Variants in ACVR1B observed in about 807,000 individuals in gnomAD.
ACVR1B encodes the protein activin receptor type-1B.
A neutral mutation model predicts 55.6 loss-of-function variants in ACVR1B; 15 were observed. The observed-to-expected ratio is 0.27, with a 90% CI of 0.18 to 0.42. ACVR1B has a LOEUF of 0.42. Ranked by LOEUF, ACVR1B falls within the 10% of genes least tolerant of loss-of-function variation. The pLI, the probability that ACVR1B is intolerant of heterozygous loss-of-function variation, is 1.00. For synonymous variants in ACVR1B, 247 were observed against 254.6 expected, an observed-to-expected ratio of 0.97 and a Z score of 0.28; for missense variants, 359 against 670.1, an observed-to-expected ratio of 0.54 and a Z score of 5.13.
At chr12:51,991,089 A>T (rs535087022) in intron 7 of ACVR1B, among the ~76,000 whole-genome samples, 114 of 152,336 alleles carry the variant, frequency 7.5e-4, no homozygotes, top group African/African-American at 2.7e-3. Context: ...TTTGGTTCCC[A>T]TGATATATAG....
chr12:51,985,363 G>A lies in ACVR1B; in HGVS notation c.1136+15G>A. On this transcript the variant is annotated intron_variant, in intron 6 of 8. Transcript: ENST00000257963. ...GGGACCAAACGGTAGGAGGGCCTGG[G>A]ACTCTGCCCTTGCTAAGCAGCTTCT... 6.2e-7 allele frequency: 1 copy of A among 1,600,608 alleles called. No homozygotes were observed. The highest frequency in any genetic ancestry group is 1.3e-5 in the African/African-American group (1 of 74,354).
intron 1 of ACVR1B, among the ~76,000 whole-genome samples, chr12:51,969,986 A>T (rs770088276): frequency 4.6e-5 from 7 of 152,204 alleles, no homozygotes; most frequent in Admixed American, 1.3e-4. Flanking sequence ...TGAAGTAAGG[A>T]ATTCATGGTG....
intron 1 of ACVR1B, among the ~76,000 whole-genome samples, chr12:51,960,407 G>A (rs1348496835): frequency 2.0e-5 from 3 of 152,102 alleles, no homozygotes; most frequent in African/African-American, 2.4e-5. Flanking sequence ...GGGTGACAGA[G>A]TGAGATCCTG....
intron 1 of ACVR1B, among the ~76,000 whole-genome samples, chr12:51,965,512 G>T (rs533607335): frequency 1.3e-4 from 20 of 152,332 alleles, no homozygotes; most frequent in African/African-American, 4.8e-4. Flanking sequence ...GTCAGCAGCT[G>T]GGTGGGAGGA....
intron 3 of ACVR1B, among the ~76,000 whole-genome samples, chr12:51,980,178 T>C (rs184476319): frequency 8.5e-5 from 13 of 152,204 alleles, no homozygotes; most frequent in Middle Eastern, 6.8e-3. Context: ...GGAAGTGAGA[T>C]AATTTATGTA....
Position 51,982,772 on chromosome 12 carries a change from G to A in ACVR1B, c.812-1227G>A, listed in dbSNP as rs772140419. On this transcript the variant is annotated intron_variant, in intron 4 of 8. Coordinates refer to ENST00000257963, the MANE Select transcript of ACVR1B (RefSeq NM_004302.5). ...GAGGAGCCTTAGACTCCAATACAAGGGAGGAAGGGGAAGAGCAAGATTTTT... is the reference window on the plus strand; with the variant it reads ...GAGGAGCCTTAGACTCCAATACAAGAGAGGAAGGGGAAGAGCAAGATTTTT... The A allele has an allele frequency of 1.2e-5, 18 of 1,531,422 alleles. No individual in the cohort carries two copies. In the South Asian group the frequency reaches 1.9e-4, roughly 16 times the overall value. 94.9% of individuals were successfully genotyped at this position (1,531,422 alleles called of 1,614,324 possible).
At chr12:51,993,532 A>G (rs1276461924) in intron 8 of ACVR1B, among the ~76,000 whole-genome samples, 2 of 152,034 alleles carry the variant, frequency 1.3e-5, no homozygotes, top group East Asian at 1.9e-4. Flanking sequence ...TGGGAGGCCG[A>G]GGTGGGCAGA....
chr12:51,979,660 G>A (rs1185266743), intron 3 of ACVR1B, among the ~76,000 whole-genome samples: 1 of 152,150 alleles, frequency 6.6e-6, no homozygotes, highest in African/African-American at 2.4e-5. Context: ...GCAGGGGGAC[G>A]TCAGGCTGCC....
rs573690698 is a variant in ACVR1B at position 51,976,662 on chromosome 12, C to T, written c.580+87C>T. ...GAGTGCTTGTAGAGAAGGCTGGAGG[C>T]CCTGCATTTGTTTCTACCAGCATTG... On this transcript the variant is annotated intron_variant, in intron 3 of 8. Coordinates refer to ENST00000257963, the MANE Select transcript of ACVR1B (RefSeq NM_004302.5). The T allele has an allele frequency of 1.2e-5, 19 of 1,526,262 alleles. No homozygotes were observed. In the East Asian group the frequency reaches 3.8e-4, roughly 31 times the overall value. The allele number at this position is 1,526,262 out of a possible 1,614,324, so 94.5% of individuals were successfully genotyped here.
chr12:51,987,465 C>A, intron 7 of ACVR1B: 2 of 309,210 alleles, frequency 6.5e-6, no homozygotes, highest in Non-Finnish European at 6.0e-6. Flanking sequence ...TGACAGAATC[C>A]AGTAAGAAAT....
Position 51,994,174 on chromosome 12 carries a change from G to GTAC in ACVR1B, c.*65_*67dup. 1 of 1,585,144 alleles carries GTAC rather than the reference G, an allele frequency of 6.3e-7. No homozygotes were observed. The highest frequency in any genetic ancestry group is 8.6e-7 in the Non-Finnish European group (1 of 1,169,168). On this transcript the variant is annotated 3_prime_UTR_variant, in exon 9 of 9. Transcript: ENST00000257963. The surrounding 1 kb of genome is among the most constrained non-coding windows in gnomAD (Gnocchi z 4.2). Reference sequence around the variant, plus strand: ...ACTACGCACAGCTGCCGCGTTGAGCGTACGATGGAGGCCTACCTCTCGTTT... The same window carrying GTAC: ...ACTACGCACAGCTGCCGCGTTGAGCGTACTACGATGGAGGCCTACCTCTCGTTT...
chr12:51,957,198 A>G (rs966085903), intron 1 of ACVR1B, among the ~76,000 whole-genome samples: 2 of 152,212 alleles, frequency 1.3e-5, no homozygotes, highest in East Asian at 3.9e-4. Flanking sequence ...CTGTAATGCC[A>G]GCACTTTGGG....
chr12:51,976,710 C>T (rs1402823340), intron 3 of ACVR1B, 135 bp downstream of exon 3: 18 of 1,150,882 alleles, frequency 1.6e-5, no homozygotes, highest in Non-Finnish European at 2.2e-5. Flanking sequence ...TCCTAGTTCC[C>T]CTTCTTTTGG....
intron 4 of ACVR1B, chr12:51,982,858 T>C: frequency 6.9e-7 from 1 of 1,443,624 alleles, no homozygotes; most frequent in South Asian, 1.4e-5. Flanking sequence ...ATTTAAATCT[T>C]ATATGTTTTA....
intron 1 of ACVR1B, among the ~76,000 whole-genome samples, chr12:51,957,638 C>G (rs1941440079): frequency 6.6e-6 from 1 of 152,074 alleles, no homozygotes; most frequent in Non-Finnish European, 1.5e-5. Flanking sequence ...TTCCTGGGCT[C>G]AAATTATCCT....
In ACVR1B at chr12:51,994,083, C is replaced by T; in HGVS notation, c.1491C>T (p.Leu497=). The T allele has an allele frequency of 6.2e-7, 1 of 1,614,024 alleles. No homozygotes were observed. The highest frequency in any genetic ancestry group is 8.5e-7 in the Non-Finnish European group (1 of 1,180,038). Residue 497 remains leucine, a synonymous_variant, in exon 9 of 9, where the codon CTC becomes CTT. Transcript: ENST00000257963. The surrounding 1 kb of genome is among the most constrained non-coding windows in gnomAD (Gnocchi z 4.2). ...GCATCAAGAAGACCCTCTCCCAGCT[C>T]AGCGTGCAGGAAGACGTGAAGATCT... The part of the protein sequence containing the change: ...ALRIKKTLSQ[L]SVQEDVKI
intron 1 of ACVR1B, among the ~76,000 whole-genome samples, chr12:51,953,202 C>T (rs985456296): frequency 6.6e-6 from 1 of 152,156 alleles, no homozygotes; most frequent in South Asian, 2.1e-4. Flanking sequence ...TTCTGTGGCT[C>T]TCTTCTCTTA....
Position 51,994,181 on chromosome 12 carries a change from G to T in ACVR1B, c.*71G>T. 6.3e-7 allele frequency: 1 copy of T among 1,578,282 alleles called. No homozygotes were observed. The highest frequency in any genetic ancestry group is 1.1e-5 in the South Asian group (1 of 87,558). On this transcript the variant is annotated 3_prime_UTR_variant, in exon 9 of 9. Coordinates refer to ENST00000257963, the MANE Select transcript of ACVR1B (RefSeq NM_004302.5). This position sits in a 1 kb window ranked among gnomAD's most constrained non-coding sequence, Gnocchi z 4.2. ...ACAGCTGCCGCGTTGAGCGTACGATGGAGGCCTACCTCTCGTTTCTGCCCA... is the reference window on the plus strand; with the variant it reads ...ACAGCTGCCGCGTTGAGCGTACGATTGAGGCCTACCTCTCGTTTCTGCCCA...
chr12:51,952,985 TATTTC>T (rs1295630864), intron 1 of ACVR1B, among the ~76,000 whole-genome samples: 1 of 152,088 alleles, frequency 6.6e-6, no homozygotes, highest in Admixed American at 6.6e-5. Context: ...AACCCTAAAA[TATTTC>T]ATTTAAGAGA....
Sources: gnomAD v4.1 joint callset for allele counts (sites outside exome capture counted in the v4.1 genomes callset) on GRCh38, gnomAD v4.1.1 for gene constraint, Gnocchi (gnomAD v3.1) non-coding constraint, MANE v1.5 for transcripts, NCBI Gene and HGNC (gene_info 2026-07-23, HGNC 2026-07-21) for gene names.